Variants in POLA1 observed in about 807,000 individuals in gnomAD.
POLA1 encodes the protein DNA polymerase alpha catalytic subunit.
Under a neutral mutation model 124.0 loss-of-function variants are expected in POLA1, and 15 were observed. The ratio of observed to expected loss-of-function variants is 0.12; its 90% confidence interval spans 0.08 to 0.19. The LOEUF (loss-of-function observed/expected upper bound fraction) is 0.19, where lower values mean the gene tolerates loss of function less well. Among genes scored for constraint, POLA1 ranks in the 10% least tolerant of loss-of-function variants. POLA1 has a pLI of 1.00. For synonymous variants in POLA1, 408 were observed against 389.4 expected (o/e 1.05, Z -0.56); for missense variants, 886 against 1,103.4 (o/e 0.80, Z 2.79).
intron 32 of POLA1, among the ~76,000 whole-genome samples, chrX:24,831,764 A>C (rs960477256): frequency 8.9e-6 from 1 of 112,690 alleles, no homozygotes; most frequent in Non-Finnish European, 1.9e-5. Context: ...TAGTAAAATT[A>C]AAAAATGTTA....
chrX:24,760,367 CA>C (rs1363232758), intron 26 of POLA1, among the ~76,000 whole-genome samples: 1 of 111,906 alleles, frequency 8.9e-6, no homozygotes, highest in Non-Finnish European at 1.9e-5. Context: ...CACTCAGCAA[CA>C]TTGCAAATTT....
chrX:24,958,824 TC>T (rs1362622460), intron 36 of POLA1, among the ~76,000 whole-genome samples: 1 of 111,429 alleles, frequency 9.0e-6, no homozygotes, highest in Non-Finnish European at 1.9e-5. Context: ...TTATCGAGTT[TC>T]CCCTCTGTTG....
intron 34 of POLA1, among the ~76,000 whole-genome samples, chrX:24,853,566 T>G (rs896011745): frequency 1.8e-5 from 2 of 112,138 alleles, no homozygotes; most frequent in African/African-American, 6.5e-5. Context: ...TCATCACCAG[T>G]CTCATCAGAA....
At chrX:24,834,591 AC>A (rs1170978420) in intron 32 of POLA1, among the ~76,000 whole-genome samples, 11 of 111,686 alleles carry the variant, frequency 9.8e-5, no homozygotes, top group Non-Finnish European at 1.7e-4. Context: ...GGCCAACAGA[AC>A]AGGGTGAAAC....
At chrX:24,975,090 C>T (rs906999774) in intron 36 of POLA1, among the ~76,000 whole-genome samples, 2 of 112,367 alleles carry the variant, frequency 1.8e-5, no homozygotes, top group African/African-American at 6.5e-5. Flanking sequence ...CGGCTCACTG[C>T]AACTTCTGCC....
chrX:24,906,596 G>A (rs1472602056), intron 35 of POLA1, among the ~76,000 whole-genome samples: 1 of 110,682 alleles, frequency 9.0e-6, no homozygotes, highest in Non-Finnish European at 1.9e-5. Flanking sequence ...GGTGGTGGGT[G>A]CATCAAAATC....
chrX:24,755,089 T>C (rs1932530209), intron 26 of POLA1, among the ~76,000 whole-genome samples: 1 of 112,386 alleles, frequency 8.9e-6, no homozygotes, highest in African/African-American at 3.2e-5. Flanking sequence ...TCCACAGCAG[T>C]ATATGAGGCT....
chrX:24,761,626 T>C (rs1315115385), intron 26 of POLA1, among the ~76,000 whole-genome samples: 1 of 112,189 alleles, frequency 8.9e-6, no homozygotes, highest in Non-Finnish European at 1.9e-5. Flanking sequence ...TGGCACGATG[T>C]GATGGATAGC....
chrX:24,717,455 A>G lies in POLA1; in HGVS notation c.872A>G (p.Gln291Arg), dbSNP rs1483069968. The G allele has an allele frequency of 8.3e-7, 1 of 1,211,843 alleles. No homozygotes were observed. Among genetic ancestry groups the G allele is most frequent in the Admixed American group, 2.2e-5 (1 of 46,079 alleles). Residue 291 changes from glutamine to arginine, a missense_variant, in exon 9 of 37, where the codon CAA becomes CGA. Gln to Arg is a conservative substitution (Grantham distance 43). Coordinates refer to ENST00000379068, the MANE Select transcript of POLA1 (RefSeq NM_001330360.2). ...KESEPAEEVK[Q>R]EADSGKGTVS... ...AGTGAGCCAGCAGAGGAAGTGAAAC[A>G]AGAGGCGGATTCTGGGAAAGGGACC...
At chrX:24,952,615 G>A (rs895396400) in intron 36 of POLA1, among the ~76,000 whole-genome samples, 1 of 112,448 alleles carries the variant, frequency 8.9e-6, no homozygotes, top group Non-Finnish European at 1.9e-5. Context: ...ACATGGCTCA[G>A]CTAAAGCATC....
At chrX:24,819,768 A>G (rs1220969213) in intron 30 of POLA1, among the ~76,000 whole-genome samples, 1 of 111,076 alleles carries the variant, frequency 9.0e-6, no homozygotes, top group South Asian at 3.8e-4. Context: ...TAAGCCCTGC[A>G]TGGATTAGAT....
At chrX:24,927,941 A>G (rs1013863394) in intron 35 of POLA1, among the ~76,000 whole-genome samples, 2 of 111,981 alleles carry the variant, frequency 1.8e-5, no homozygotes, top group African/African-American at 6.5e-5. Flanking sequence ...AAAATCTCCA[A>G]GGGATCACAA....
chrX:24,807,467 A>G (rs1444454227), intron 26 of POLA1, among the ~76,000 whole-genome samples: 5 of 112,353 alleles, frequency 4.5e-5, no homozygotes, highest in East Asian at 2.8e-4. Flanking sequence ...TTCTCCCACA[A>G]TGCATTTCCC....
At chrX:24,791,184 A>G (rs1226742907) in intron 26 of POLA1, among the ~76,000 whole-genome samples, 2 of 110,473 alleles carry the variant, frequency 1.8e-5, no homozygotes, top group Non-Finnish European at 1.9e-5. Context: ...GTTTCAGATC[A>G]TAAGTAGCAG....
At chrX:24,807,313 A>G (rs775282629) in intron 26 of POLA1, among the ~76,000 whole-genome samples, 1 of 112,437 alleles carries the variant, frequency 8.9e-6, no homozygotes, top group South Asian at 3.7e-4. Flanking sequence ...GGTGTTGTCC[A>G]TTGTGATGAA....
chrX:24,741,111 G>T (rs1212516614), intron 20 of POLA1, among the ~76,000 whole-genome samples: 1 of 90,218 alleles, frequency 1.1e-5, no homozygotes, highest in Non-Finnish European at 2.2e-5. Context: ...TTCCTTATGG[G>T]ATTTTGTGTG....
At chrX:24,752,568 C>T (rs1351742303) in intron 26 of POLA1, among the ~76,000 whole-genome samples, 1 of 111,749 alleles carries the variant, frequency 8.9e-6, no homozygotes, top group Non-Finnish European at 1.9e-5. Context: ...TATCAGTTGT[C>T]AAATGTCTGA....
intron 1 of POLA1, among the ~76,000 whole-genome samples, chrX:24,697,914 A>G (rs929131749): frequency 9.1e-6 from 1 of 109,953 alleles, no homozygotes; most frequent in Non-Finnish European, 1.9e-5. Context: ...ATCAGTGGGT[A>G]TGTGAAAGTC....
Position 24,828,220 on chromosome X carries a change from C to T in POLA1, c.3736+1619C>T, listed in dbSNP as rs187934311. On this transcript the variant is annotated intron_variant, in intron 32 of 36. Coordinates refer to ENST00000379068, the MANE Select transcript of POLA1 (RefSeq NM_001330360.2). ...ACTTTTTTCTCTGCTATACATTGAG[C>T]GTTTGCTCTGTTGGATACAGTGATA... is the stretch of plus-strand genomic sequence containing the variant. Among the ~76,000 whole-genome samples the T allele has an allele frequency of 7.4e-3, 838 of 112,561 alleles. 8 individuals are homozygous for T. The highest frequency in any genetic ancestry group is 0.013 in the Non-Finnish European group (691 of 53,296).
Sources: allele counts gnomAD v4.1 joint callset (sites outside exome capture counted in the v4.1 genomes callset), GRCh38; gene constraint gnomAD v4.1.1; transcripts MANE v1.5; gene names NCBI Gene and HGNC (gene_info 2026-07-23, HGNC 2026-07-21).